Variants in GDF6 observed in about 807,000 individuals in gnomAD.
GDF6 encodes growth/differentiation factor 6.
Under a neutral mutation model 32.4 loss-of-function variants are expected in GDF6, and 3 were observed. That is an observed-to-expected ratio of 0.09 (90% CI 0.04 to 0.24). GDF6 has a LOEUF of 0.24. Among genes scored for constraint, GDF6 ranks in the 10% least tolerant of loss-of-function variants. The pLI is 1.00. For synonymous variants in GDF6, 296 were observed against 295.3 expected (o/e 1.00, Z -0.03); for missense variants, 589 against 637.9 (o/e 0.92, Z 0.83).
Position 96,144,284 on chromosome 8 carries a change from G to T in GDF6, c.*279C>A, listed in dbSNP as rs1036705407. Reference sequence around the variant, plus strand: ...AGAGAGAGAGAGAGAGAGAGAGAGAGAGAGAGAAAACAGAACAAAAGAAAT... The same window carrying T: ...AGAGAGAGAGAGAGAGAGAGAGAGATAGAGAGAAAACAGAACAAAAGAAAT... On this transcript the variant is annotated 3_prime_UTR_variant, in exon 2 of 2. Coordinates refer to ENST00000287020, the MANE Select transcript of GDF6 (RefSeq NM_001001557.4). This position sits in a 1 kb window ranked among gnomAD's most constrained non-coding sequence, Gnocchi z 5.1. 3 of 480,664 alleles carry T rather than the reference G, an allele frequency of 6.2e-6. No homozygotes were observed. Among genetic ancestry groups the T allele is most frequent in the Non-Finnish European group, 1.1e-5 (3 of 265,214 alleles). 29.8% of individuals were successfully genotyped at this position (480,664 alleles called of 1,614,324 possible). A position where few individuals can be genotyped will look rare whatever the true frequency, so the allele number is the denominator to read the frequency against.
In GDF6 at chr8:96,144,938, G is replaced by C. The variant is rs553771073; in HGVS notation, c.993C>G (p.Arg331=). The change falls in exon 2 of 2, where the codon CGC becomes CGG. Residue 331 remains arginine, a synonymous_variant. Coordinates refer to ENST00000287020, the MANE Select transcript of GDF6 (RefSeq NM_001001557.4). The surrounding 1 kb of genome is among the most constrained non-coding windows in gnomAD (Gnocchi z 5.1). ...TGGCGAAGGCCGTGCGCCGCCGCCG[G>C]CGGCCGGGCGAGGGCAGCCAAGGCC... is the stretch of plus-strand genomic sequence containing the variant. ...DARPWLPSPG[R]RRRRTAFASR... 2 of 1,576,544 alleles carry C rather than the reference G, an allele frequency of 1.3e-6. No individual in the cohort carries two copies. The highest frequency in any genetic ancestry group is 2.3e-5 in the South Asian group (2 of 87,136).
rs1402517432 is a variant in GDF6, at chr8:96,160,643, A to G, written c.50T>C (p.Leu17Pro). Residue 17 changes from leucine to proline, a missense_variant, in exon 1 of 2, where the codon CTG (leucine) becomes CCG (proline). Leu to Pro is a moderately conservative substitution (Grantham distance 98). Coordinates refer to ENST00000287020, the MANE Select transcript of GDF6 (RefSeq NM_001001557.4). ...CTGCTGGAAACCGGGCAAATCCCAC[A>G]GAAAACTGATGAGGAAGACGGCCGA... Reference protein sequence around the residue: ...LLSAVFLISFLWDLPGFQQAS... With the variant: ...LLSAVFLISFPWDLPGFQQAS... The G allele has an allele frequency of 3.7e-6, 6 of 1,613,620 alleles. No homozygotes were observed. The highest frequency in any genetic ancestry group is 5.1e-6 in the Non-Finnish European group (6 of 1,179,692).
At chr8:96,157,527 C>A (rs1812689099) in intron 1 of GDF6, among the ~76,000 whole-genome samples, 1 of 152,174 alleles carries the variant, frequency 6.6e-6, no homozygotes, top group Non-Finnish European at 1.5e-5. Flanking sequence ...CCAGGCCAGC[C>A]CCACTCGACG....
intron 1 of GDF6, among the ~76,000 whole-genome samples, chr8:96,150,433 C>T (rs1441743023): frequency 1.3e-5 from 2 of 152,226 alleles, no homozygotes; most frequent in African/African-American, 2.4e-5. Flanking sequence ...CTTTCCCTTA[C>T]CCCCTCATTT....
Position 96,143,142 on chromosome 8 carries a change from TCCTCACTG to T in GDF6, c.*1413_*1420del, listed in dbSNP as rs1193530007. On this transcript the variant is annotated 3_prime_UTR_variant, in exon 2 of 2. Transcript: ENST00000287020. Reference sequence around the variant, plus strand: ...AAGACGAATTCCACCCCTGTCTCCTTCCTCACTGCCTGTTCCCCATCTCCCACCCCAAG... The same window carrying T: ...AAGACGAATTCCACCCCTGTCTCCTTCCTGTTCCCCATCTCCCACCCCAAG... 5.9e-5 allele frequency: 9 copies of T among 152,296 alleles called. No homozygotes were observed. The highest frequency in any genetic ancestry group is 1.0e-4 in the Non-Finnish European group (7 of 68,052). 9.4% of individuals were successfully genotyped at this position (152,296 alleles called of 1,614,324 possible).
At chr8:96,160,195 A>G (rs1030504005) in intron 1 of GDF6, 92 bp downstream of exon 1, 5 of 1,223,648 alleles carry the variant, frequency 4.1e-6, no homozygotes, top group Non-Finnish European at 6.1e-6. Context: ...CAGAGCAGGA[A>G]GGGAATTCAC....
At chr8:96,149,437 C>T (rs1028874884) in intron 1 of GDF6, among the ~76,000 whole-genome samples, 2 of 151,944 alleles carry the variant, frequency 1.3e-5, no homozygotes, top group Non-Finnish European at 2.9e-5. Context: ...CTGGCAGCTA[C>T]GTAGAGAAAG....
chr8:96,151,955 A>G (rs536035228), intron 1 of GDF6, among the ~76,000 whole-genome samples: 6 of 152,294 alleles, frequency 3.9e-5, no homozygotes, highest in African/African-American at 1.2e-4. Flanking sequence ...AGGGATGTGC[A>G]TAGTACATAG....
intron 1 of GDF6, among the ~76,000 whole-genome samples, chr8:96,156,328 C>T (rs1457203194): frequency 6.6e-6 from 1 of 151,990 alleles, no homozygotes; most frequent in African/African-American, 2.4e-5. Context: ...CCTTTCCCTA[C>T]ATAAACTGAA....
At chr8:96,157,136 A>C (rs1294330981) in intron 1 of GDF6, among the ~76,000 whole-genome samples, 1 of 152,242 alleles carries the variant, frequency 6.6e-6, no homozygotes, top group Admixed American at 6.5e-5. Context: ...GTAAATTTTC[A>C]ATAAATCGTG....
Position 96,142,807 on chromosome 8 carries a change from T to A in GDF6, c.*1756A>T, listed in dbSNP as rs1173631327. On this transcript the variant is annotated 3_prime_UTR_variant, in exon 2 of 2. Coordinates refer to ENST00000287020, the MANE Select transcript of GDF6 (RefSeq NM_001001557.4). ...CTTTTTTTCACTTAGCATTTTTATA[T>A]TAGCATTTCTTATCATCCCCACCCT... The A allele has an allele frequency of 1.3e-5, 2 of 152,496 alleles. No homozygotes were observed. The highest frequency in any genetic ancestry group is 4.8e-5 in the African/African-American group (2 of 41,458). The allele number at this position is 152,496 out of a possible 1,614,324, so 9.4% of individuals were successfully genotyped here. A position where few individuals can be genotyped will look rare whatever the true frequency, so the allele number is the denominator to read the frequency against.
At chr8:96,156,045 G>A (rs1812655178) in intron 1 of GDF6, among the ~76,000 whole-genome samples, 1 of 152,208 alleles carries the variant, frequency 6.6e-6, no homozygotes, top group Non-Finnish European at 1.5e-5. Flanking sequence ...CGACCCAGAA[G>A]GTGAATGGAG....
At chr8:96,150,229 C>T (rs571735019) in intron 1 of GDF6, among the ~76,000 whole-genome samples, 1 of 152,320 alleles carries the variant, frequency 6.6e-6, no homozygotes, top group Admixed American at 6.5e-5. Context: ...GCACCTGGCT[C>T]ACATCTCTGA....
chr8:96,147,702 G>A (rs1812507268), intron 1 of GDF6, among the ~76,000 whole-genome samples: 1 of 152,218 alleles, frequency 6.6e-6, no homozygotes, highest in Non-Finnish European at 1.5e-5. Context: ...ATTTAATTCA[G>A]AGTTGGAGCA....
In GDF6 at chr8:96,145,561, A is replaced by T; in HGVS notation, c.407-37T>A. 1 of 1,597,034 alleles carries T rather than the reference A, an allele frequency of 6.3e-7. No individual in the cohort carries two copies. Among genetic ancestry groups the T allele is most frequent in the Non-Finnish European group, 8.5e-7 (1 of 1,179,446 alleles). ...AAAATAATTACAGTCAGTTTCACTT[A>T]AGGGGGAGATCAGCCCGGTGCTCTT... is the stretch of plus-strand genomic sequence containing the variant. On this transcript the variant is annotated intron_variant, in intron 1 of 1. Coordinates refer to ENST00000287020, the MANE Select transcript of GDF6 (RefSeq NM_001001557.4). The surrounding 1 kb of genome is among the most constrained non-coding windows in gnomAD (Gnocchi z 5.6).
rs752118839 is a variant in GDF6 at position 96,145,704 on chromosome 8, A to G, written c.407-180T>C. ...CATCTGGCTGGTGCATGGCGCGGGG[A>G]AGGGGGCGCGCCAGGACGGGCCCCC... On this transcript the variant is annotated intron_variant, in intron 1 of 1. Transcript: ENST00000287020. This position sits in a 1 kb window ranked among gnomAD's most constrained non-coding sequence, Gnocchi z 5.6. 6.6e-6 allele frequency among the ~76,000 whole-genome samples: 1 copy of G among 151,938 alleles called. No individual in the cohort carries two copies. Among genetic ancestry groups the G allele is most frequent in the East Asian group, 2.0e-4 (1 of 5,118 alleles).
chr8:96,146,616 A>T (rs1373726043), intron 1 of GDF6, among the ~76,000 whole-genome samples: 1 of 152,076 alleles, frequency 6.6e-6, no homozygotes, highest in Non-Finnish European at 1.5e-5. Flanking sequence ...GCAGTCAATG[A>T]GAAAAATATA....
In GDF6 at chr8:96,152,845, G is replaced by A. The variant is rs567451200; in HGVS notation, c.407-7321C>T. Reference sequence around the variant, plus strand: ...CTTTCCCTCAGGCCTCCAGACCCAGGCCCTTCTCTTCCTGAGGGGCCTGGG... The same window carrying A: ...CTTTCCCTCAGGCCTCCAGACCCAGACCCTTCTCTTCCTGAGGGGCCTGGG... On this transcript the variant is annotated intron_variant, in intron 1 of 1. Transcript: ENST00000287020. Among the ~76,000 whole-genome samples the A allele has an allele frequency of 2.6e-5, 4 of 152,284 alleles. No individual in the cohort carries two copies. In the East Asian group the frequency reaches 7.7e-4, roughly 29 times the overall value.
intron 1 of GDF6, among the ~76,000 whole-genome samples, chr8:96,151,444 G>A (rs1347344049): frequency 6.6e-6 from 1 of 152,186 alleles, no homozygotes; most frequent in Non-Finnish European, 1.5e-5. Context: ...CTAAGTAGTA[G>A]AGTGGGCAAT....
Sources: allele counts gnomAD v4.1 joint callset (sites outside exome capture counted in the v4.1 genomes callset), GRCh38; gene constraint gnomAD v4.1.1; non-coding constraint Gnocchi (gnomAD v3.1); transcripts MANE v1.5; gene names NCBI Gene and HGNC (gene_info 2026-07-23, HGNC 2026-07-21).